Variants in UNC13C observed in about 807,000 individuals in gnomAD.
The protein encoded by UNC13C is unc-13 homolog C, also known as protein unc-13 homolog C.
Under a neutral mutation model 245.4 loss-of-function variants are expected in UNC13C, and 174 were observed. The observed-to-expected ratio is 0.71, with a 90% CI of 0.63 to 0.80. The LOEUF (loss-of-function observed/expected upper bound fraction) is 0.80, where lower values mean the gene tolerates loss of function less well. Among genes scored for constraint, UNC13C ranks in the 30% least tolerant of loss-of-function variants. The pLI, the probability that UNC13C is intolerant of heterozygous loss-of-function variation, is 0.00. For missense variants in UNC13C, 2,829 were observed against 2,602.9 expected, an observed-to-expected ratio of 1.09 and a Z score of -1.89; for synonymous variants, 992 against 895.1, an observed-to-expected ratio of 1.11 and a Z score of -1.93.
chr15:54,338,352 C>CTTTG lies in UNC13C; in HGVS notation c.4585-7_4585-4dup. 6.9e-7 allele frequency: 1 copy of CTTTG among 1,451,594 alleles called. No homozygotes were observed. 89.9% of individuals were successfully genotyped at this position (1,451,594 alleles called of 1,614,324 possible). On this transcript the variant is annotated splice_polypyrimidine_tract_variant and intron_variant, in intron 16 of 32. Coordinates refer to ENST00000260323, the MANE Select transcript of UNC13C (RefSeq NM_001080534.3). ...TGCATTTGAGAAAATAAATGTCTGT[C>CTTTG]TTTGTCAGGTTCTGGAGCTGCAAAG...
chr15:54,195,653 T>C (rs1429505784), intron 4 of UNC13C, among the ~76,000 whole-genome samples: 1 of 152,142 alleles, frequency 6.6e-6, no homozygotes, highest in African/African-American at 2.4e-5. Context: ...ATACTTGCTC[T>C]TTCGTCTCTA....
intron 4 of UNC13C, among the ~76,000 whole-genome samples, chr15:54,155,334 G>A (rs1719746620): frequency 6.6e-6 from 1 of 152,056 alleles, no homozygotes; most frequent in Admixed American, 6.5e-5. Context: ...AAGCATGCAA[G>A]GCCATTTGAA....
intron 9 of UNC13C, among the ~76,000 whole-genome samples, chr15:54,265,045 T>A (rs2036518422): frequency 6.6e-6 from 1 of 151,996 alleles, no homozygotes; most frequent in South Asian, 2.1e-4. Flanking sequence ...TTCATATAAG[T>A]GTAGGTGTAT....
intron 17 of UNC13C, among the ~76,000 whole-genome samples, chr15:54,362,715 T>G (rs1323485139): frequency 1.3e-5 from 2 of 152,082 alleles, no homozygotes; most frequent in African/African-American, 4.8e-5. Flanking sequence ...AAACAAGTCC[T>G]CCAGGTACAC....
chr15:53,846,445 A>G, the UNC13C span, among the ~76,000 whole-genome samples: 6 of 152,220 alleles, frequency 3.9e-5, no homozygotes, highest in African/African-American at 1.4e-4. Flanking sequence ...TAGTGATGCC[A>G]CAAACTTGGG....
At chr15:54,167,597 A>T (rs2033221996) in intron 4 of UNC13C, among the ~76,000 whole-genome samples, 1 of 134,154 alleles carries the variant, frequency 7.5e-6, no homozygotes, top group Admixed American at 7.7e-5. Flanking sequence ...TGAGTATCCA[A>T]ATAGGAAAAA....
chr15:54,578,143 T>A (rs1037694271), intron 30 of UNC13C, among the ~76,000 whole-genome samples: 6 of 152,202 alleles, frequency 3.9e-5, no homozygotes, highest in African/African-American at 1.4e-4. Flanking sequence ...CAACTGGGAA[T>A]CATTTGTAAA....
At chr15:54,322,240 A>G (rs773479126) in intron 14 of UNC13C, 145 bp downstream of exon 14, 3 of 670,866 alleles carry the variant, frequency 4.5e-6, no homozygotes, top group Non-Finnish European at 6.8e-6. Context: ...CTCAAAGTTC[A>G]TTTGAAACAT....
At chr15:54,184,702 A>C (rs1166722240) in intron 4 of UNC13C, among the ~76,000 whole-genome samples, 1 of 152,112 alleles carries the variant, frequency 6.6e-6, no homozygotes, top group African/African-American at 2.4e-5. Context: ...AGTCTTTGCT[A>C]TTGTGAATAG....
chr15:54,095,590 A>C (rs908793830), intron 2 of UNC13C, among the ~76,000 whole-genome samples: 4 of 152,280 alleles, frequency 2.6e-5, no homozygotes, highest in East Asian at 1.9e-4. Context: ...AGCTTGAAGA[A>C]ATGCTGAATC....
chr15:54,552,006 C>T (rs1896759279), intron 28 of UNC13C, among the ~76,000 whole-genome samples: 1 of 150,868 alleles, frequency 6.6e-6, no homozygotes, highest in African/African-American at 2.4e-5. Context: ...TGAAAAGGTG[C>T]TATTTGAAAT....
At chr15:54,415,804 A>C (rs2040507028) in intron 19 of UNC13C, among the ~76,000 whole-genome samples, 1 of 152,200 alleles carries the variant, frequency 6.6e-6, no homozygotes, top group Non-Finnish European at 1.5e-5. Flanking sequence ...GGAGGACTAC[A>C]AGAATGCAAA....
chr15:54,307,551 G>A (rs2037759075), intron 13 of UNC13C, among the ~76,000 whole-genome samples: 1 of 151,926 alleles, frequency 6.6e-6, no homozygotes, highest in Non-Finnish European at 1.5e-5. Context: ...GTAAGCTCCT[G>A]ATTTAGGGGG....
rs1339277880 is a variant in UNC13C, at chr15:54,264,406, GTCT to G, written c.3676+16_3676+18del. The G allele has an allele frequency of 6.4e-7, 1 of 1,554,386 alleles. No individual in the cohort carries two copies. Among genetic ancestry groups the G allele is most frequent in the Non-Finnish European group, 8.7e-7 (1 of 1,146,332 alleles). Reference sequence around the variant, plus strand: ...AAATAACCATTACAGGTAAAAATAAGTCTTCTTAAAAATTTGTATTGTAAATTG... The same window carrying G: ...AAATAACCATTACAGGTAAAAATAAGTCTTAAAAATTTGTATTGTAAATTG... On this transcript the variant is annotated intron_variant, in intron 9 of 32. Transcript: ENST00000260323.
At chr15:54,386,998 C>T (rs2039851642) in intron 17 of UNC13C, among the ~76,000 whole-genome samples, 1 of 152,104 alleles carries the variant, frequency 6.6e-6, no homozygotes, top group Non-Finnish European at 1.5e-5. Context: ...ATAAACTGTC[C>T]ACATTGCTCT....
intron 18 of UNC13C, among the ~76,000 whole-genome samples, chr15:54,404,564 G>A (rs983533867): frequency 6.6e-6 from 1 of 152,098 alleles, no homozygotes; most frequent in African/African-American, 2.4e-5. Flanking sequence ...AAATGAAGAA[G>A]AGGTAGAGCT....
intron 29 of UNC13C, among the ~76,000 whole-genome samples, chr15:54,566,042 A>T (rs1305651158): frequency 2.0e-5 from 3 of 151,974 alleles, no homozygotes; most frequent in Non-Finnish European, 4.4e-5. Flanking sequence ...ATATTAAGAG[A>T]GAAAGTGCCT....
At chr15:54,475,473 A>G (rs1376525727) in intron 19 of UNC13C, among the ~76,000 whole-genome samples, 4 of 151,402 alleles carry the variant, frequency 2.6e-5, no homozygotes, top group African/African-American at 7.3e-5. Flanking sequence ...CCACCCCACA[A>G]CAGTCCCCAG....
At chr15:54,158,830 T>A (rs968286699) in intron 4 of UNC13C, among the ~76,000 whole-genome samples, 2 of 151,662 alleles carry the variant, frequency 1.3e-5, no homozygotes, top group African/African-American at 2.4e-5. Context: ...AAAAAAAAAA[T>A]TATGTAAAGA....
Sources: allele counts gnomAD v4.1 joint callset (sites outside exome capture counted in the v4.1 genomes callset), GRCh38; gene constraint gnomAD v4.1.1; transcripts MANE v1.5; gene names NCBI Gene and HGNC (gene_info 2026-07-23, HGNC 2026-07-21).